B3GAT1: variants seen among roughly 807,000 people sequenced by gnomAD.
B3GAT1 encodes galactosylgalactosylxylosylprotein 3-beta-glucuronosyltransferase 1.
A neutral mutation model predicts 28.4 loss-of-function variants in B3GAT1; 11 were observed. The ratio of observed to expected loss-of-function variants is 0.39; its 90% confidence interval spans 0.24 to 0.64. The LOEUF (loss-of-function observed/expected upper bound fraction) is 0.64, where lower values mean the gene tolerates loss of function less well. Ranked by LOEUF, B3GAT1 falls within the 30% of genes least tolerant of loss-of-function variation. B3GAT1 has a pLI of 0.50. For missense variants in B3GAT1, 375 were observed against 491.0 expected (o/e 0.76, Z 2.23); for synonymous variants, 255 against 223.1 (o/e 1.14, Z -1.27).
chr11:134,395,891 G>A (rs572819529), intron 1 of B3GAT1, among the ~76,000 whole-genome samples: 147 of 152,332 alleles, frequency 9.6e-4, no homozygotes, highest in Middle Eastern at 3.4e-3. Flanking sequence ...TATTGGCAGG[G>A]CTGTGTCCTC....
chr11:134,386,153 G>A (rs1944279428), intron 2 of B3GAT1: 1 of 152,270 alleles, frequency 6.6e-6, no homozygotes, highest in Non-Finnish European at 1.5e-5. Flanking sequence ...CTGCCGCAAT[G>A]TTGAGCTTGG....
chr11:134,405,676 G>C (rs1480264269), intron 1 of B3GAT1, among the ~76,000 whole-genome samples: 1 of 152,216 alleles, frequency 6.6e-6, no homozygotes, highest in South Asian at 2.1e-4. Flanking sequence ...CAATCTGCCC[G>C]GGAGGGCACT....
intron 1 of B3GAT1, among the ~76,000 whole-genome samples, chr11:134,402,456 C>T (rs1052957270): frequency 8.5e-5 from 13 of 152,132 alleles, no homozygotes; most frequent in Non-Finnish European, 1.8e-4. Context: ...TGCCCCGTCT[C>T]CCCAGGATGC....
chr11:134,407,568 C>T (rs748393468), intron 1 of B3GAT1, among the ~76,000 whole-genome samples: 2 of 152,248 alleles, frequency 1.3e-5, no homozygotes, highest in African/African-American at 2.4e-5. Flanking sequence ...CAGACTCATA[C>T]TCTCCACTTT....
intron 1 of B3GAT1, among the ~76,000 whole-genome samples, chr11:134,401,115 A>G (rs911716875): frequency 7.9e-5 from 12 of 152,188 alleles, no homozygotes; most frequent in Non-Finnish European, 1.8e-4. Flanking sequence ...GGCTGTGGAG[A>G]AAAGGGAACA....
chr11:134,384,574 C>T (rs987916702), intron 2 of B3GAT1: 26 of 217,430 alleles, frequency 1.2e-4, no homozygotes, highest in African/African-American at 5.3e-4. Flanking sequence ...CTGCCCTGTG[C>T]AGGGCTGGGC....
chr11:134,410,397 C>T (rs61908710), intron 1 of B3GAT1, among the ~76,000 whole-genome samples: 5,632 of 152,298 alleles, frequency 0.037, 141 homozygotes, highest in Middle Eastern at 0.061. Context: ...ATTAACTCTC[C>T]CAGTCCCATT....
intron 1 of B3GAT1, among the ~76,000 whole-genome samples, chr11:134,406,105 G>A (rs1041576575): frequency 6.6e-6 from 1 of 152,226 alleles, no homozygotes; most frequent in African/African-American, 2.4e-5. Flanking sequence ...CGGGGGGCTC[G>A]TGGCAGCACA....
At chr11:134,387,230 T>A in intron 2 of B3GAT1, 1 of 288,340 alleles carries the variant, frequency 3.5e-6, no homozygotes, top group Non-Finnish European at 6.6e-6. Flanking sequence ...CTCCCTTCAC[T>A]TCCCACCTCC....
intron 1 of B3GAT1, chr11:134,392,029 A>C (rs1353630328): frequency 6.6e-6 from 1 of 152,274 alleles, no homozygotes; most frequent in Non-Finnish European, 1.5e-5. Context: ...TCGTCTTTAC[A>C]ATAGGGAGGT....
rs1442602441 is a variant in B3GAT1 at position 134,393,793 on chromosome 11, G to A, written c.-281-5853C>T. ...CACGGCGCCGGTCAGTGTGCTGTGC[G>A]GACCGGGTGCAGGACACCAACCTGC... is the stretch of plus-strand genomic sequence containing the variant. On this transcript the variant is annotated intron_variant, in intron 1 of 5. Transcript: ENST00000312527. The surrounding 1 kb of genome is among the most constrained non-coding windows in gnomAD (Gnocchi z 4.0). 3.3e-5 allele frequency among the ~76,000 whole-genome samples: 5 copies of A among 152,130 alleles called. No homozygotes were observed. The highest frequency in any genetic ancestry group is 6.5e-5 in the Admixed American group (1 of 15,276).
chr11:134,396,571 T>C (rs1157707288), intron 1 of B3GAT1, among the ~76,000 whole-genome samples: 1 of 152,074 alleles, frequency 6.6e-6, no homozygotes, highest in African/African-American at 2.4e-5. Context: ...TTTTCCCATC[T>C]GTAAAACGGG....
chr11:134,383,012 A>AGG lies in B3GAT1; in HGVS notation c.622-8_622-7dup, dbSNP rs145216044. 128 of 1,542,426 alleles carry AGG rather than the reference A, an allele frequency of 8.3e-5. No individual in the cohort carries two copies. Among genetic ancestry groups the AGG allele is most frequent in the African/African-American group, 2.2e-4 (16 of 73,188 alleles). On this transcript the variant is annotated splice_polypyrimidine_tract_variant and splice_region_variant and intron_variant, in intron 3 of 5. Transcript: ENST00000312527. ...ACCCTCCTGGTGCTGCGCATCTACA[A>AGG]GGGGGGGGTCCAGAGTCAGGGCGCC...
chr11:134,384,226 GCCGGCT>G (rs780237150), intron 2 of B3GAT1, 38 bp from the exon 3 acceptor site: 12 of 1,510,386 alleles, frequency 7.9e-6, no homozygotes, highest in Non-Finnish European at 9.7e-6. Flanking sequence ...GGAGGAGAGC[GCCGGCT>G]ACGGCCCTGG....
At chr11:134,403,618 G>C (rs1259667856) in intron 1 of B3GAT1, among the ~76,000 whole-genome samples, 1 of 152,170 alleles carries the variant, frequency 6.6e-6, no homozygotes, top group African/African-American at 2.4e-5. Context: ...TCTCCTGAGT[G>C]GGAAGGGCAA....
chr11:134,383,898 G>A lies in B3GAT1; in HGVS notation c.403C>T (p.Arg135Cys), dbSNP rs1944202922. The A allele has an allele frequency of 1.3e-6, 2 of 1,595,442 alleles. No individual in the cohort carries two copies. The highest frequency in any genetic ancestry group is 2.3e-5 in the East Asian group (1 of 44,404). Reference sequence around the variant, plus strand: ...TGCGTGTAGTTGAGGCCGGTGTCGCGCAGCAGGCGCGCGGTCAGCGGCGTC... The same window carrying A: ...TGCGTGTAGTTGAGGCCGGTGTCGCACAGCAGGCGCGCGGTCAGCGGCGTC... Reference protein sequence around the residue: ...RRTPLTARLLRDTGLNYTHLH... With the variant: ...RRTPLTARLLCDTGLNYTHLH... The change falls in exon 3 of 6, where the codon CGC becomes TGC. Residue 135 changes from arginine (R) to cysteine (C), a missense_variant. Coordinates refer to ENST00000312527, the MANE Select transcript of B3GAT1 (RefSeq NM_054025.3).
At chr11:134,398,762 C>A (rs192809250) in intron 1 of B3GAT1, among the ~76,000 whole-genome samples, 1 of 152,106 alleles carries the variant, frequency 6.6e-6, no homozygotes, top group Non-Finnish European at 1.5e-5. Flanking sequence ...GGCCAGCTGG[C>A]CCCCGGCCTC....
intron 2 of B3GAT1, chr11:134,386,636 G>GA (rs1944294108): frequency 6.6e-6 from 1 of 152,166 alleles, no homozygotes; most frequent in Admixed American, 6.5e-5. Flanking sequence ...AGGAAAAGAA[G>GA]AGAGGCAAAC....
intron 1 of B3GAT1, among the ~76,000 whole-genome samples, chr11:134,399,213 G>T (rs1039808160): frequency 2.0e-5 from 3 of 152,176 alleles, no homozygotes; most frequent in Non-Finnish European, 4.4e-5. Flanking sequence ...AGACAGGTGG[G>T]GTAGAATCAG....
Sources: allele counts gnomAD v4.1 joint callset (sites outside exome capture counted in the v4.1 genomes callset), GRCh38; gene constraint gnomAD v4.1.1; non-coding constraint Gnocchi (gnomAD v3.1); transcripts MANE v1.5; gene names NCBI Gene and HGNC (gene_info 2026-07-23, HGNC 2026-07-21).